Variants in DGKA observed in about 807,000 individuals in gnomAD.
DGKA encodes diacylglycerol kinase alpha.
In DGKA, 35 loss-of-function variants were observed where a neutral mutation model predicts 105.0. The observed-to-expected ratio is 0.33, with a 90% CI of 0.25 to 0.44. The LOEUF (loss-of-function observed/expected upper bound fraction) is 0.44. Ranked by LOEUF, DGKA falls within the 20% of genes least tolerant of loss-of-function variation. The pLI, the probability that DGKA is intolerant of heterozygous loss-of-function variation, is 1.00. For synonymous variants in DGKA, 296 were observed against 332.0 expected (o/e 0.89, Z 1.18); for missense variants, 665 against 915.0 (o/e 0.73, Z 3.53).
At chr12:55,938,484 C>T in intron 5 of DGKA, 27 bp from the exon 6 acceptor site, 2 of 1,613,602 alleles carry the variant, frequency 1.2e-6, no homozygotes, top group Non-Finnish European at 1.7e-6. Flanking sequence ...CACAAACTGA[C>T]CCTGGCCCCC....
chr12:55,936,822 T>A (rs755372080), intron 2 of DGKA, 195 bp from the exon 3 acceptor site: 2 of 797,576 alleles, frequency 2.5e-6, no homozygotes, highest in Non-Finnish European at 4.3e-6. Flanking sequence ...CCTGGACTGC[T>A]TGCTCCAGCT....
At chr12:55,953,222 A>G in intron 22 of DGKA, 62 bp downstream of exon 22, 1 of 1,612,728 alleles carries the variant, frequency 6.2e-7, no homozygotes, top group Non-Finnish European at 8.5e-7. Context: ...CAGAAGGGTC[A>G]TGGGAATGGT....
intron 5 of DGKA, 143 bp downstream of exon 5, chr12:55,938,195 T>C: frequency 1.3e-6 from 1 of 766,836 alleles, no homozygotes; most frequent in Non-Finnish European, 2.2e-6. Context: ...GCCCATTTCC[T>C]GTGTTCTCCC....
In DGKA at chr12:55,942,157, T is replaced by G; in HGVS notation, c.1337-17T>G. 1 of 1,614,196 alleles carries G rather than the reference T, an allele frequency of 6.2e-7. No homozygotes were observed. Among genetic ancestry groups the G allele is most frequent in the Non-Finnish European group, 8.5e-7 (1 of 1,180,014 alleles). On this transcript the variant is annotated splice_polypyrimidine_tract_variant and intron_variant, in intron 16 of 23. Transcript: ENST00000331886. ...AGAGCTAACTCACTCCATCCTTCTC[T>G]TCACCTGCCTCCGCAGACAAAGCTA...
In DGKA at chr12:55,937,003, T is replaced by C. The variant is rs762669582; in HGVS notation, c.65-14T>C. 1 of 1,613,036 alleles carries C rather than the reference T, an allele frequency of 6.2e-7. No homozygotes were observed. Among genetic ancestry groups the C allele is most frequent in the East Asian group, 2.2e-5 (1 of 44,864 alleles). ...GACTAATAATGCTGTTCTCTTACTC[T>C]CTCTACACCCTAGACTCCACCAAAA... is the stretch of plus-strand genomic sequence containing the variant. On this transcript the variant is annotated splice_polypyrimidine_tract_variant and intron_variant, in intron 2 of 23. Coordinates refer to ENST00000331886, the MANE Select transcript of DGKA (RefSeq NM_001345.5).
At chr12:55,934,142 C>A (rs1298227186) in intron 1 of DGKA, among the ~76,000 whole-genome samples, 3 of 152,278 alleles carry the variant, frequency 2.0e-5, no homozygotes, top group South Asian at 4.1e-4. Context: ...TAGGAAGGAG[C>A]AAGAAAGAGT....
intron 1 of DGKA, chr12:55,935,659 C>T (rs2136299002): frequency 6.5e-6 from 1 of 153,004 alleles, no homozygotes; most frequent in South Asian, 2.1e-4. Flanking sequence ...TCTAGGATGT[C>T]AGTATCCCAG....
chr12:55,938,364 T>C, intron 5 of DGKA, 147 bp from the exon 6 acceptor site: 1 of 1,018,762 alleles, frequency 9.8e-7, no homozygotes, highest in South Asian at 1.5e-5. Context: ...TTTCCTTTCC[T>C]TTTTGTCTCT....
At chr12:55,935,997 C>T (rs966885799) in intron 1 of DGKA, 2 of 989,488 alleles carry the variant, frequency 2.0e-6, no homozygotes, top group Non-Finnish European at 2.4e-6. Flanking sequence ...CCGGAACTGC[C>T]GAAGACCCGA....
At chr12:55,937,331 G>A (rs979619253) in intron 3 of DGKA, 77 bp from the exon 4 acceptor site, 57 of 1,529,506 alleles carry the variant, frequency 3.7e-5, no homozygotes, top group Admixed American at 2.1e-4. Flanking sequence ...TATTATCCCT[G>A]TCCCCGCTAC....
chr12:55,936,799 C>T (rs1397391818), intron 2 of DGKA: 1 of 808,014 alleles, frequency 1.2e-6, no homozygotes, highest in Middle Eastern at 2.2e-4. Flanking sequence ...GCTCTCTACC[C>T]ACCTTCGCTA....
chr12:55,941,309 G>A lies in DGKA; in HGVS notation c.1159G>A (p.Gly387Arg), dbSNP rs547892408. Reference sequence around the variant, plus strand: ...CGTCTTTGTCAATCCTAAGAGTGGCGGGAAGCAGGGGCAAAGGTGAGGAGA... The same window carrying A: ...CGTCTTTGTCAATCCTAAGAGTGGCAGGAAGCAGGGGCAAAGGTGAGGAGA... ...LLVFVNPKSGGKQGQRVLWKF... is the reference protein window; with the variant it reads ...LLVFVNPKSGRKQGQRVLWKF... Residue 387 changes from glycine to arginine, a missense_variant, in exon 14 of 24, where the codon GGG becomes AGG. By Grantham distance (125) the Gly-to-Arg change is moderately radical. Around this residue, in one of 3 missense-constraint regions of DGKA, gnomAD observed 504 missense variants for 681.2 expected, o/e 0.74. Transcript: ENST00000331886. 3.7e-6 allele frequency: 6 copies of A among 1,613,704 alleles called. No individual in the cohort carries two copies. The highest frequency in any genetic ancestry group is 3.3e-5 in the Admixed American group (2 of 60,002).
chr12:55,939,555 G>C, intron 9 of DGKA, 26 bp downstream of exon 9: 1 of 1,609,068 alleles, frequency 6.2e-7, no homozygotes, highest in Non-Finnish European at 8.5e-7. Context: ...TGGGAGGTAG[G>C]GGAAGAGGGT....
At chr12:55,934,368 C>G (rs1884243525) in intron 1 of DGKA, among the ~76,000 whole-genome samples, 1 of 152,144 alleles carries the variant, frequency 6.6e-6, no homozygotes, top group Non-Finnish European at 1.5e-5. Flanking sequence ...CTGTTGGCAG[C>G]AGAAGTTGGA....
In DGKA at chr12:55,940,665, CTG is replaced by C; in HGVS notation, c.963_964del (p.Cys321TrpfsTer25). ...TGCAAGCGGTGGGCCATGAGTGTGA[CTG>C]TGGGCTGCTCCGGGATCACATCCTG... ...CLQAVGHECDCGLLRDHILPP... is the reference protein window; with the variant it reads ...CLQAVGHECDXGLLRDHILPP... On this transcript the variant is annotated frameshift_variant, in exon 12 of 24. Transcript: ENST00000331886. LOFTEE classifies it high-confidence loss of function. This position sits in a 1 kb window ranked among gnomAD's most constrained non-coding sequence, Gnocchi z 4.3. 6.2e-7 allele frequency: 1 copy of C among 1,603,132 alleles called. No homozygotes were observed. Among genetic ancestry groups the C allele is most frequent in the Non-Finnish European group, 8.5e-7 (1 of 1,176,446 alleles).
In DGKA at chr12:55,939,167, C is replaced by T. The variant is rs1592688261; in HGVS notation, c.475-19C>T. On this transcript the variant is annotated intron_variant, in intron 7 of 23. Coordinates refer to ENST00000331886, the MANE Select transcript of DGKA (RefSeq NM_001345.5). ...GAAGACCCACTCATACTGAAAGTCC[C>T]TTTCCACTCTGTGCTCAGATTCTTC... 1.2e-6 allele frequency: 2 copies of T among 1,613,026 alleles called. No individual in the cohort carries two copies. The highest frequency in any genetic ancestry group is 4.5e-5 in the East Asian group (2 of 44,886).
chr12:55,930,126 T>C (rs1211692806), upstream of DGKA, among the ~76,000 whole-genome samples: 1 of 152,144 alleles, frequency 6.6e-6, no homozygotes, highest in Non-Finnish European at 1.5e-5. Flanking sequence ...TTGTTTAAAG[T>C]AGCTCAGAGC....
intron 17 of DGKA, chr12:55,943,222 T>C (rs1886367731): frequency 1.3e-5 from 2 of 152,210 alleles, no homozygotes; most frequent in African/African-American, 4.8e-5. Context: ...ACATGTATTC[T>C]TCAGTTTATC....
At chr12:55,927,400 A>C, upstream of DGKA, 1 of 713,352 alleles carries the variant, frequency 1.4e-6, no homozygotes, top group African/African-American at 1.7e-5. Context: ...CATCCCCAGG[A>C]ACTCCTCGTA....
Sources: gnomAD v4.1 joint callset for allele counts (sites outside exome capture counted in the v4.1 genomes callset) on GRCh38, gnomAD v4.1.1 for gene constraint, gnomAD v4.1.1 regional missense constraint, Gnocchi (gnomAD v3.1) non-coding constraint, MANE v1.5 for transcripts, NCBI Gene and HGNC (gene_info 2026-07-23, HGNC 2026-07-21) for gene names.